The following KAZN variants were observed in gnomAD, a reference collection of about 807,000 sequenced individuals.
KAZN encodes the protein kazrin.
In KAZN, 40 loss-of-function variants were observed where a neutral mutation model predicts 87.4. That is an observed-to-expected ratio of 0.46 (90% CI 0.36 to 0.60). The LOEUF is 0.60. Among genes scored for constraint, KAZN ranks in the 20% least tolerant of loss-of-function variants. KAZN has a pLI of 0.00. For missense variants in KAZN, 898 were observed against 1,073.9 expected, an observed-to-expected ratio of 0.84 and a Z score of 2.29; for synonymous variants, 466 against 458.3, an observed-to-expected ratio of 1.02 and a Z score of -0.22.
intron 1 of KAZN, among the ~76,000 whole-genome samples, chr1:14,837,532 C>T (rs989818366): frequency 2.7e-5 from 4 of 148,642 alleles, no homozygotes; most frequent in Non-Finnish European, 5.9e-5. Context: ...GTAGTTCATT[C>T]ATTCCCATAG....
intron 2 of KAZN, among the ~76,000 whole-genome samples, chr1:14,423,548 A>G (rs1029093397): frequency 2.6e-5 from 4 of 152,200 alleles, no homozygotes; most frequent in Admixed American, 2.0e-4. Flanking sequence ...CACACAGTAC[A>G]TGCAATAGCC....
intron 2 of KAZN, among the ~76,000 whole-genome samples, chr1:14,488,193 G>A (rs185749528): frequency 1.3e-5 from 2 of 152,322 alleles, no homozygotes; most frequent in East Asian, 1.9e-4. Flanking sequence ...GTATCATGTA[G>A]AGGCTAATCA....
At chr1:14,575,498 C>T (rs1571966264) in intron 2 of KAZN, among the ~76,000 whole-genome samples, 1 of 152,124 alleles carries the variant, frequency 6.6e-6, no homozygotes, top group Non-Finnish European at 1.5e-5. Flanking sequence ...TCAATTATCT[C>T]CCACCAGATC....
At chr1:14,491,964 C>CG (rs1293854990) in intron 2 of KAZN, among the ~76,000 whole-genome samples, 1 of 152,126 alleles carries the variant, frequency 6.6e-6, no homozygotes, top group Admixed American at 6.5e-5. Flanking sequence ...TTCAGTGTCT[C>CG]GAGCAGTAAG....
rs563632055 is a variant in KAZN, at chr1:14,912,124, A to G, written c.227-48560A>G. 7.4e-4 allele frequency among the ~76,000 whole-genome samples: 94 copies of G among 127,212 alleles called. 1 individual carries two copies. The highest frequency in any genetic ancestry group is 0.011 in the Middle Eastern group (2 of 178). 83.5% of individuals were successfully genotyped at this position (127,212 alleles called of 152,430 possible). ...CACACAACTGCACTCCAGCCTGGGT[A>G]ACAGAGAGAGACTCCACCTCAAAAA... On this transcript the variant is annotated intron_variant, in intron 1 of 14. Transcript: ENST00000376030.
rs947052892 is a variant in KAZN, at chr1:14,769,175, T to G, written c.226+169952T>G. ...CAGCAGGAAGCAGAGCACCTTTGAG[T>G]CTGACCCTGTCATCAGTCCTTCACT... On this transcript the variant is annotated intron_variant, in intron 1 of 14. Transcript: ENST00000376030. This position sits in a 1 kb window ranked among gnomAD's most constrained non-coding sequence, Gnocchi z 4.1. 1.3e-5 allele frequency among the ~76,000 whole-genome samples: 2 copies of G among 152,178 alleles called. No homozygotes were observed. The highest frequency in any genetic ancestry group is 4.2e-4 in the South Asian group (2 of 4,816).
At chr1:13,937,603 A>G (rs1039771104) in intron 1 of KAZN, among the ~76,000 whole-genome samples, 2 of 152,284 alleles carry the variant, frequency 1.3e-5, no homozygotes, top group South Asian at 4.1e-4. Flanking sequence ...TTTGGCCTAT[A>G]CCAATGTCCA....
At chr1:14,114,557 C>T (rs1257798420) in intron 1 of KAZN, among the ~76,000 whole-genome samples, 1 of 152,100 alleles carries the variant, frequency 6.6e-6, no homozygotes, top group African/African-American at 2.4e-5. Context: ...GACTGCCCCA[C>T]ATTTCACTCT....
At chr1:14,079,626 G>A (rs576109955) in intron 1 of KAZN, among the ~76,000 whole-genome samples, 2 of 152,316 alleles carry the variant, frequency 1.3e-5, no homozygotes, top group African/African-American at 4.8e-5. Context: ...GATGTCTTTT[G>A]CTTCCAAAGT....
intron 1 of KAZN, among the ~76,000 whole-genome samples, chr1:14,693,535 C>T (rs12140803): frequency 0.48 from 73,657 of 152,004 alleles, 18,111 homozygotes; most frequent in South Asian, 0.57. Flanking sequence ...TGGGGTGGGA[C>T]TGCCTGAAAC....
rs1572358265 is a variant in KAZN, at chr1:14,736,832, A to G, written c.226+137609A>G. On this transcript the variant is annotated intron_variant, in intron 1 of 14. Transcript: ENST00000376030. ...CTACAGAATCTGAAGAGACATTGCC[A>G]TAGCTCCCACTTCATTCATTCATTC... 4.6e-5 allele frequency among the ~76,000 whole-genome samples: 7 copies of G among 152,310 alleles called. No individual in the cohort carries two copies. The South Asian group carries it at 1.4e-3, about 32-fold the overall frequency.
chr1:13,945,405 C>T (rs6665047), intron 1 of KAZN, among the ~76,000 whole-genome samples: 20,858 of 148,480 alleles, frequency 0.14, 1,539 homozygotes, highest in Middle Eastern at 0.23. Flanking sequence ...ACCTGGGAGG[C>T]GGAGGTTGCA....
intron 1 of KAZN, among the ~76,000 whole-genome samples, chr1:13,998,114 A>T (rs1639612888): frequency 6.6e-6 from 1 of 152,222 alleles, no homozygotes; most frequent in Admixed American, 6.5e-5. Context: ...TTTCATATCC[A>T]GCCAAACTAA....
intron 2 of KAZN, among the ~76,000 whole-genome samples, chr1:15,005,205 GA>G (rs200736531): frequency 4.0e-5 from 6 of 150,224 alleles, no homozygotes; most frequent in East Asian, 2.0e-4. Context: ...GTTTTATTTG[GA>G]AAAAAAAACA....
At chr1:14,391,744 C>G (rs1453328013) in intron 2 of KAZN, among the ~76,000 whole-genome samples, 1 of 152,204 alleles carries the variant, frequency 6.6e-6, no homozygotes, top group Non-Finnish European at 1.5e-5. Context: ...CTTGACGTCT[C>G]AGTAAGATTC....
chr1:15,043,713 G>A (rs893654305), intron 3 of KAZN, among the ~76,000 whole-genome samples: 6 of 142,956 alleles, frequency 4.2e-5, no homozygotes, highest in Non-Finnish European at 7.5e-5. Context: ...GTGCGATCTC[G>A]GCTCACTGCA....
chr1:14,445,769 G>C (rs555762295), intron 2 of KAZN, among the ~76,000 whole-genome samples: 1 of 152,142 alleles, frequency 6.6e-6, no homozygotes. Flanking sequence ...ACACATATTG[G>C]AGTGATCCCA....
intron 2 of KAZN, among the ~76,000 whole-genome samples, chr1:14,394,837 GT>G (rs1467533597): frequency 6.6e-6 from 1 of 152,220 alleles, no homozygotes; most frequent in Non-Finnish European, 1.5e-5. Flanking sequence ...TATGGGGACA[GT>G]ATTGGATAAG....
chr1:14,877,108 A>G (rs1652849993), intron 1 of KAZN, among the ~76,000 whole-genome samples: 4 of 152,044 alleles, frequency 2.6e-5, no homozygotes, highest in African/African-American at 9.7e-5. Context: ...TGGATCCTTC[A>G]GGCATGACTG....
Sources: gnomAD v4.1 joint callset for allele counts (sites outside exome capture counted in the v4.1 genomes callset) on GRCh38, gnomAD v4.1.1 for gene constraint, Gnocchi (gnomAD v3.1) non-coding constraint, MANE v1.5 for transcripts, NCBI Gene and HGNC (gene_info 2026-07-23, HGNC 2026-07-21) for gene names.